Variants in SP140 observed in about 807,000 individuals in gnomAD.
SP140 encodes nuclear body protein SP140.
SP140 carries 81 observed loss-of-function variants against 125.0 expected under a neutral mutation model. The observed-to-expected ratio is 0.65, with a 90% CI of 0.54 to 0.78. The LOEUF is 0.78. Ranked by LOEUF, SP140 falls within the 30% of genes least tolerant of loss-of-function variation. SP140 has a pLI of 0.00. For missense variants in SP140, 858 were observed against 1,037.0 expected (o/e 0.83, Z 2.37); for synonymous variants, 312 against 354.0 (o/e 0.88, Z 1.33).
chr2:230,257,083 C>T (rs1365889346), intron 12 of SP140, among the ~76,000 whole-genome samples: 2 of 152,012 alleles, frequency 1.3e-5, no homozygotes, highest in Non-Finnish European at 2.9e-5. Context: ...GCTTTCAGTT[C>T]TATGAGGTGG....
rs200472692 is a variant in SP140 at position 230,215,074 on chromosome 2, C to A, written c.-91+1000C>A. ...CCAGTTGGGTGAGAATGTTGTGCACCACTCTGGATACAGGGATCAAATTTC... is the reference window on the plus strand; with the variant it reads ...CCAGTTGGGTGAGAATGTTGTGCACAACTCTGGATACAGGGATCAAATTTC... On this transcript the variant is annotated intron_variant, in intron 3 of 4. Transcript: ENST00000456542. 3 of 1,613,894 alleles carry A rather than the reference C, an allele frequency of 1.9e-6. No individual in the cohort carries two copies. Among genetic ancestry groups the A allele is most frequent in the Non-Finnish European group, 2.5e-6 (3 of 1,179,806 alleles).
At chr2:230,291,166 T>C (rs370204815) in intron 19 of SP140, among the ~76,000 whole-genome samples, 5 of 152,208 alleles carry the variant, frequency 3.3e-5, no homozygotes, top group Admixed American at 1.3e-4. Flanking sequence ...TATAAAACTT[T>C]GCCAAAAAAT....
intron 8 of SP140, 129 bp downstream of exon 8, chr2:230,248,194 T>A: frequency 2.5e-6 from 2 of 815,048 alleles, no homozygotes; most frequent in Non-Finnish European, 3.9e-6. Flanking sequence ...GAGCTTCTTT[T>A]ACCCTCACAA....
intron 12 of SP140, among the ~76,000 whole-genome samples, chr2:230,263,203 T>C (rs2149308913): frequency 6.6e-6 from 1 of 152,354 alleles, no homozygotes; most frequent in East Asian, 1.9e-4. Context: ...CTTTTTACCG[T>C]TGTATAATGT....
chr2:230,218,843 A>G (rs2148966231), intron 3 of SP140, among the ~76,000 whole-genome samples: 1 of 152,350 alleles, frequency 6.6e-6, no homozygotes, highest in East Asian at 1.9e-4. Flanking sequence ...TAGAAAATAA[A>G]AAAGCAAAAT....
At chr2:230,285,685 T>TA in intron 16 of SP140, 67 bp from the exon 17 acceptor site, 1 of 1,341,812 alleles carries the variant, frequency 7.5e-7, no homozygotes, top group Non-Finnish European at 1.1e-6. Context: ...TCACTTGCGT[T>TA]TGTTCCTGCC....
In SP140 at chr2:230,290,518, C is replaced by T. The variant is rs1478547020; in HGVS notation, c.1779C>T (p.Thr593=). The change falls in exon 19 of 27, where the codon ACC becomes ACT. Residue 593 remains threonine (T), a synonymous_variant. Coordinates refer to ENST00000392045, the MANE Select transcript of SP140 (RefSeq NM_007237.5). ...TTAAGGCTCCTTTGCTTCCAGTGAC[C>T]TGTGGTGGGGTGAAGGGAATTTTAC... ...VDFKAPLLPV[T]CGGVKGILHK... is the part of the protein sequence containing the mutation. The T allele has an allele frequency of 2.5e-6, 4 of 1,613,874 alleles. No homozygotes were observed. Among genetic ancestry groups the T allele is most frequent in the Non-Finnish European group, 3.4e-6 (4 of 1,179,958 alleles).
Position 230,243,716 on chromosome 2 carries a change from C to T in SP140, c.491-15C>T. 2 of 1,597,136 alleles carry T rather than the reference C, an allele frequency of 1.3e-6. No individual in the cohort carries two copies. Among genetic ancestry groups the T allele is most frequent in the Non-Finnish European group, 8.6e-7 (1 of 1,165,492 alleles). On this transcript the variant is annotated splice_polypyrimidine_tract_variant and intron_variant, in intron 4 of 26. Coordinates refer to ENST00000392045, the MANE Select transcript of SP140 (RefSeq NM_007237.5). ...ATAAATCAAGACATCTAAGGGATTTCATTCCTTTCGGCAGAGAACAGCAAT... is the reference window on the plus strand; with the variant it reads ...ATAAATCAAGACATCTAAGGGATTTTATTCCTTTCGGCAGAGAACAGCAAT...
intron 15 of SP140, among the ~76,000 whole-genome samples, chr2:230,274,986 C>A (rs537031154): frequency 2.0e-5 from 3 of 152,158 alleles, no homozygotes; most frequent in African/African-American, 7.2e-5. Flanking sequence ...TTATTTCATT[C>A]CTGTTTTAAC....
intron 1 of SP140, chr2:230,235,029 G>A: frequency 6.6e-6 from 1 of 152,306 alleles, no homozygotes. Flanking sequence ...AATGAGATGG[G>A]CTTGCAAACT....
rs763500585 is a variant in SP140, at chr2:230,237,279, A to G, written c.237+19A>G. 10 of 1,607,260 alleles carry G rather than the reference A, an allele frequency of 6.2e-6. No homozygotes were observed. In the Admixed American group the frequency reaches 1.7e-4, roughly 27 times the overall value. The stretch of plus-strand genomic sequence containing the variant: ...GTATGAAGTAAGTAAGAATTTCCAA[A>G]TGATGATAAACCAGGTCCATACTCA... On this transcript the variant is annotated intron_variant, in intron 2 of 26. Coordinates refer to ENST00000392045, the MANE Select transcript of SP140 (RefSeq NM_007237.5). This position sits in a 1 kb window ranked among gnomAD's most constrained non-coding sequence, Gnocchi z 5.4.
At chr2:230,232,265 T>C (rs1443705378) in intron 1 of SP140, among the ~76,000 whole-genome samples, 4 of 152,228 alleles carry the variant, frequency 2.6e-5, no homozygotes, top group Admixed American at 2.6e-4. Context: ...GAGTTTCTCA[T>C]GCTCATGCTC....
chr2:230,278,679 G>A (rs1203243398), intron 15 of SP140, among the ~76,000 whole-genome samples: 1 of 151,984 alleles, frequency 6.6e-6, no homozygotes, highest in African/African-American at 2.4e-5. Context: ...TTTGTATATG[G>A]TGTAAGCCAA....
In SP140 at chr2:230,247,932, G is replaced by T. The variant is rs2049740077; in HGVS notation, c.759G>T (p.Gly253=). The change falls in exon 8 of 27, where the codon GGG becomes GGT. Residue 253 remains glycine, a synonymous_variant. Coordinates refer to ENST00000392045, the MANE Select transcript of SP140 (RefSeq NM_007237.5). The part of the protein sequence containing the change: ...PYDTEVLESN[G]MIDAARTYST... Reference sequence around the variant, plus strand: ...GATCCCTAGTTCTAGAAAGCAACGGGATGATAGATGCGGCAAGGACATACA... The same window carrying T: ...GATCCCTAGTTCTAGAAAGCAACGGTATGATAGATGCGGCAAGGACATACA... 9 of 1,613,724 alleles carry T rather than the reference G, an allele frequency of 5.6e-6. No individual in the cohort carries two copies. The South Asian group carries it at 8.8e-5, about 16-fold the overall frequency.
intron 12 of SP140, 36 bp downstream of exon 12, chr2:230,255,568 G>A (rs762524710): frequency 2.0e-5 from 32 of 1,595,052 alleles, no homozygotes; most frequent in Non-Finnish European, 2.5e-5. Flanking sequence ...GCCCTGGGCT[G>A]CAGAGTGTCA....
chr2:230,285,964 A>G, intron 17 of SP140, 132 bp downstream of exon 17: 2 of 669,692 alleles, frequency 3.0e-6, no homozygotes, highest in South Asian at 3.9e-5. Context: ...GTGAAATCTA[A>G]AAGAGCAAAC....
the SP140 span, among the ~76,000 whole-genome samples, chr2:230,191,592 G>A: frequency 0.75 from 113,205 of 151,672 alleles, 42,459 homozygotes; most frequent in Admixed American, 0.82. Context: ...GGAAGAAGTT[G>A]AATCCCTGAA....
At chr2:230,208,381 T>A (rs897630178) in intron 1 of SP140, among the ~76,000 whole-genome samples, 1 of 152,180 alleles carries the variant, frequency 6.6e-6, no homozygotes, top group Non-Finnish European at 1.5e-5. Flanking sequence ...CTGTGATACA[T>A]GTAATGCAGA....
Position 230,225,831 on chromosome 2 carries a change from C to T in SP140, c.-14C>T. Reference sequence around the variant, plus strand: ...CAGTGAAAATCGAATCGGGTGTGATCCTAGGCCAAGCTCATGGCCCAGCAG... The same window carrying T: ...CAGTGAAAATCGAATCGGGTGTGATTCTAGGCCAAGCTCATGGCCCAGCAG... On this transcript the variant is annotated 5_prime_UTR_variant, in exon 1 of 27. Coordinates refer to ENST00000392045, the MANE Select transcript of SP140 (RefSeq NM_007237.5). The T allele has an allele frequency of 6.2e-7, 1 of 1,613,286 alleles. No homozygotes were observed. Among genetic ancestry groups the T allele is most frequent in the Non-Finnish European group, 8.5e-7 (1 of 1,179,254 alleles).
Sources: gnomAD v4.1 joint callset for allele counts (sites outside exome capture counted in the v4.1 genomes callset) on GRCh38, gnomAD v4.1.1 for gene constraint, Gnocchi (gnomAD v3.1) non-coding constraint, MANE v1.5 for transcripts, NCBI Gene and HGNC (gene_info 2026-07-23, HGNC 2026-07-21) for gene names.